Variants in SYNE2 observed in about 807,000 individuals in gnomAD.
SYNE2 encodes the protein nesprin-2.
In SYNE2, 431 loss-of-function variants were observed where a neutral mutation model predicts 856.3. The observed-to-expected ratio is 0.50, with a 90% CI of 0.47 to 0.55. The LOEUF (loss-of-function observed/expected upper bound fraction) is 0.55. Among genes scored for constraint, SYNE2 ranks in the 20% least tolerant of loss-of-function variants. The probability of loss-of-function intolerance (pLI) is 0.00; values close to 1 mark genes in which losing one functional copy is unlikely to be tolerated. For missense variants in SYNE2, 8,129 were observed against 8,023.2 expected (o/e 1.01, Z -0.50); for synonymous variants, 2,923 against 2,872.3 (o/e 1.02, Z -0.56).
intron 67 of SYNE2, among the ~76,000 whole-genome samples, chr14:64,120,230 TC>T: frequency 6.6e-6 from 1 of 152,004 alleles, no homozygotes; most frequent in Non-Finnish European, 1.5e-5. Context: ...GCCATATGGT[TC>T]CCCTTTCATC....
chr14:63,959,992 C>A (rs559549420), intron 8 of SYNE2, among the ~76,000 whole-genome samples: 3 of 152,246 alleles, frequency 2.0e-5, no homozygotes, highest in Admixed American at 6.5e-5. Context: ...TGAAATGCAT[C>A]ATGATTATTT....
intron 59 of SYNE2, among the ~76,000 whole-genome samples, chr14:64,090,583 C>A (rs1030541247): frequency 2.0e-5 from 3 of 152,106 alleles, no homozygotes; most frequent in African/African-American, 7.2e-5. Context: ...ATATACACAG[C>A]AGAACGCCAG....
chr14:63,826,826 C>T (rs1378359924), intron 1 of SYNE2, among the ~76,000 whole-genome samples: 4 of 152,048 alleles, frequency 2.6e-5, no homozygotes, highest in Non-Finnish European at 4.4e-5. Flanking sequence ...ACCATAAGCA[C>T]AAGCTATAAA....
At chr14:63,994,086 C>G (rs560926795) in intron 22 of SYNE2, 117 bp downstream of exon 22, 2 of 1,038,798 alleles carry the variant, frequency 1.9e-6, no homozygotes, top group East Asian at 2.4e-5. Context: ...GTGGGCTGGT[C>G]CCTGCAGGCT....
intron 85 of SYNE2, among the ~76,000 whole-genome samples, chr14:64,156,037 C>G (rs948066948): frequency 1.3e-5 from 2 of 152,180 alleles, no homozygotes; most frequent in African/African-American, 2.4e-5. Context: ...TTATTTCTAT[C>G]TTAATACTGA....
At position 64,052,764 on chromosome 14, in the gene SYNE2, A is replaced by G. The variant is rs2097237025; in HGVS notation, c.8851A>G (p.Lys2951Glu). Residue 2951 changes from lysine to glutamate, a missense_variant, in exon 48 of 116, where the codon AAA becomes GAA. By Grantham distance (56) the Lys-to-Glu change is moderately conservative. Transcript: ENST00000555002. The stretch of plus-strand genomic sequence containing the variant: ...AAAGTTTTGCAGACAATTCCATGAA[A>G]AAACATCAGCGCTTCAGGAGGAGGC... ...KIKFCRQFHE[K>E]TSALQEEADS... The G allele has an allele frequency of 6.2e-7, 1 of 1,612,554 alleles. No homozygotes were observed. The highest frequency in any genetic ancestry group is 8.5e-7 in the Non-Finnish European group (1 of 1,179,312).
chr14:63,831,741 G>T (rs903196894), intron 1 of SYNE2, among the ~76,000 whole-genome samples: 2 of 150,978 alleles, frequency 1.3e-5, no homozygotes, highest in East Asian at 3.9e-4. Flanking sequence ...TTTTACTTTC[G>T]CCATGTTGGC....
chr14:64,203,801 T>A (rs2098591357), intron 100 of SYNE2, among the ~76,000 whole-genome samples: 1 of 152,206 alleles, frequency 6.6e-6, no homozygotes, highest in Non-Finnish European at 1.5e-5. Flanking sequence ...ATGTTAAGCC[T>A]CCACCACACA....
rs35030710 is a variant in SYNE2 at position 64,035,515 on chromosome 14, A to ATTTT, written c.7221+4175_7221+4178dup. On this transcript the variant is annotated intron_variant, in intron 45 of 115. Transcript: ENST00000555002. The stretch of plus-strand genomic sequence containing the variant: ...ATGGGATAACCAACTTACATGGTAC[A>ATTTT]TTTTTTTTTTTTTTTTTTTTGCCAT... 2.1e-3 allele frequency among the ~76,000 whole-genome samples: 251 copies of ATTTT among 121,652 alleles called. 3 individuals carry two copies. The highest frequency in any genetic ancestry group is 4.4e-3 in the Middle Eastern group (1 of 228). 79.8% of individuals were successfully genotyped at this position (121,652 alleles called of 152,430 possible).
rs1245977600 is a variant in SYNE2 at position 63,996,939 on chromosome 14, T to C, written c.2941-8T>C. 6.2e-7 allele frequency: 1 copy of C among 1,613,786 alleles called. No homozygotes were observed. Among genetic ancestry groups the C allele is most frequent in the Non-Finnish European group, 8.5e-7 (1 of 1,179,832 alleles). ...GAAGCACATTTCCTGCTTTATTTCT[T>C]CAATTAGGCCTGCTTTTCTGAGGAA... On this transcript the variant is annotated splice_region_variant and splice_polypyrimidine_tract_variant and intron_variant, in intron 23 of 115. Coordinates refer to ENST00000555002, the MANE Select transcript of SYNE2 (RefSeq NM_182914.3).
Position 63,976,540 on chromosome 14 carries a change from C to CTTTTTTT in SYNE2, c.1129-10_1129-4dup. 8.1e-6 allele frequency: 11 copies of CTTTTTTT among 1,361,040 alleles called. 1 individual carries two copies. The highest frequency in any genetic ancestry group is 6.3e-5 in the Admixed American group (3 of 47,486). The allele number at this position is 1,361,040 out of a possible 1,614,324, so 84.3% of individuals were successfully genotyped here. A position where few individuals can be genotyped will look rare whatever the true frequency, so the allele number is the denominator to read the frequency against. On this transcript the variant is annotated intron_variant, in intron 11 of 115. Transcript: ENST00000555002. ...GAAAAGTTCTACTGAAGAATATGTT[C>CTTTTTTT]TTTTTTTTTTTTTTTTTTTCAGATT...
At chr14:64,206,323 C>G (rs2098605129) in intron 100 of SYNE2, among the ~76,000 whole-genome samples, 2 of 152,202 alleles carry the variant, frequency 1.3e-5, no homozygotes. Context: ...TAGGTTTGGA[C>G]AGTTTCTAAA....
chr14:64,128,708 A>G (rs1322343532), intron 74 of SYNE2, among the ~76,000 whole-genome samples, 155 bp downstream of exon 74: 1 of 152,226 alleles, frequency 6.6e-6, no homozygotes, highest in Non-Finnish European at 1.5e-5. Flanking sequence ...TTTTAAAAAC[A>G]TCTCCTAATT....
chr14:63,815,144 ATACACATATATATCCATATATATC>A, intron 1 of SYNE2, among the ~76,000 whole-genome samples: 1 of 118,210 alleles, frequency 8.5e-6, no homozygotes, highest in Non-Finnish European at 1.7e-5. Context: ...ATCCATATAT[ATACACATATATATCCATATATATC>A]CACATATATA....
chr14:64,152,368 A>G (rs968069982), intron 84 of SYNE2, among the ~76,000 whole-genome samples, 196 bp from the exon 85 acceptor site: 1 of 152,226 alleles, frequency 6.6e-6, no homozygotes, highest in Non-Finnish European at 1.5e-5. Context: ...TGTTGCCTAG[A>G]TTCTCCTAAA....
intron 21 of SYNE2, 46 bp downstream of exon 21, chr14:63,991,161 G>A (rs748557045): frequency 1.3e-6 from 2 of 1,573,754 alleles, no homozygotes; most frequent in South Asian, 1.1e-5. Context: ...ATTGTTAACT[G>A]CCTATCTTGT....
chr14:64,091,196 G>A, intron 60 of SYNE2, 148 bp downstream of exon 60: 1 of 747,468 alleles, frequency 1.3e-6, no homozygotes, highest in Non-Finnish European at 2.3e-6. Flanking sequence ...TGCTCAAATG[G>A]AGCTAAGGTT....
At chr14:63,817,746 A>C (rs1889051808) in intron 1 of SYNE2, among the ~76,000 whole-genome samples, 1 of 152,166 alleles carries the variant, frequency 6.6e-6, no homozygotes. Flanking sequence ...ATGTCAGGCC[A>C]GGCGTGGTGG....
intron 1 of SYNE2, among the ~76,000 whole-genome samples, chr14:63,772,993 G>C (rs1033387194): frequency 1.3e-5 from 2 of 151,758 alleles, no homozygotes; most frequent in African/African-American, 4.8e-5. Context: ...AGCCAGGCTG[G>C]TCTCGAACTC....
Sources: allele counts gnomAD v4.1 joint callset (sites outside exome capture counted in the v4.1 genomes callset), GRCh38; gene constraint gnomAD v4.1.1; transcripts MANE v1.5; gene names NCBI Gene and HGNC (gene_info 2026-07-23, HGNC 2026-07-21).